CCDC40: variants seen among roughly 807,000 people sequenced by gnomAD.
The protein encoded by CCDC40 is coiled-coil domain 40 molecular ruler complex subunit, also known as coiled-coil domain-containing protein 40.
CCDC40 carries 104 observed loss-of-function variants against 124.5 expected under a neutral mutation model. That is an observed-to-expected ratio of 0.84 (90% CI 0.71 to 0.98). The LOEUF (loss-of-function observed/expected upper bound fraction) is 0.98, where lower values mean the gene tolerates loss of function less well. CCDC40 is among the 50% of genes least tolerant of loss of function. The probability of loss-of-function intolerance (pLI) is 0.00; values close to 1 mark genes in which losing one functional copy is unlikely to be tolerated. For missense variants in CCDC40, 1,463 were observed against 1,503.9 expected (o/e 0.97, Z 0.45); for synonymous variants, 580 against 602.9 (o/e 0.96, Z 0.56).
intron 7 of CCDC40, among the ~76,000 whole-genome samples, chr17:80,055,572 A>T (rs2037714803): frequency 1.3e-5 from 2 of 152,352 alleles, no homozygotes; most frequent in Admixed American, 1.3e-4. Context: ...GGGAAGACGC[A>T]TGATATAAAA....
chr17:80,082,814 C>T (rs1285981528), intron 12 of CCDC40, among the ~76,000 whole-genome samples: 2 of 152,240 alleles, frequency 1.3e-5, no homozygotes, highest in South Asian at 2.1e-4. Context: ...ATAGGTCATA[C>T]GTGTTTTGCT....
At chr17:80,060,492 C>CAA (rs201142020) in intron 9 of CCDC40, among the ~76,000 whole-genome samples, 8 of 121,694 alleles carry the variant, frequency 6.6e-5, no homozygotes, top group African/African-American at 2.5e-4. Flanking sequence ...CCCGGGAGGT[C>CAA]AAAAAAAAAA....
chr17:80,041,037 C>G (rs561065849), intron 3 of CCDC40, among the ~76,000 whole-genome samples: 2 of 152,304 alleles, frequency 1.3e-5, no homozygotes, highest in Non-Finnish European at 2.9e-5. Context: ...TAGCTGCGTT[C>G]TTATATTTTT....
intron 10 of CCDC40, among the ~76,000 whole-genome samples, chr17:80,074,743 A>G (rs1337454026): frequency 6.6e-6 from 1 of 152,172 alleles, no homozygotes; most frequent in Non-Finnish European, 1.5e-5. Flanking sequence ...CCATGGGTTG[A>G]GGAGTAATTT....
chr17:80,070,188 G>A (rs578017165), intron 10 of CCDC40, among the ~76,000 whole-genome samples: 1 of 152,336 alleles, frequency 6.6e-6, no homozygotes, highest in South Asian at 2.1e-4. Context: ...TTCTAGCCTG[G>A]GGATCTGGCA....
At chr17:80,048,396 T>C (rs760922538) in intron 4 of CCDC40, 187 bp from the exon 5 acceptor site, 104 of 648,416 alleles carry the variant, frequency 1.6e-4, no homozygotes, top group Non-Finnish European at 2.6e-4. Flanking sequence ...TGGGATGCAT[T>C]GAGTCAGGGA....
At chr17:80,056,009 T>TAC (rs2037734712) in intron 7 of CCDC40, among the ~76,000 whole-genome samples, 1 of 46,422 alleles carries the variant, frequency 2.2e-5, no homozygotes, top group Non-Finnish European at 4.1e-5. Context: ...TATATATATA[T>TAC]ATATATATTT....
chr17:80,059,242 C>T (rs1313554015), intron 9 of CCDC40, among the ~76,000 whole-genome samples: 5 of 152,290 alleles, frequency 3.3e-5, no homozygotes, highest in East Asian at 1.9e-4. Context: ...GCTTCATGAC[C>T]GCCAAGGCCA....
chr17:80,067,949 CACA>C (rs2038090987), intron 10 of CCDC40: 2 of 1,153,234 alleles, frequency 1.7e-6, no homozygotes, highest in South Asian at 3.1e-5. Flanking sequence ...ACAAACACTT[CACA>C]ACGAGTGAGA....
At chr17:80,051,309 A>C in intron 7 of CCDC40, 6 of 983,620 alleles carry the variant, frequency 6.1e-6, no homozygotes, top group Non-Finnish European at 7.2e-6. Context: ...TGGAAATTTC[A>C]GAGTTAGGGT....
At chr17:80,050,956 C>T (rs2037570807) in intron 7 of CCDC40, among the ~76,000 whole-genome samples, 1 of 152,092 alleles carries the variant, frequency 6.6e-6, no homozygotes. Context: ...AGACCATGGC[C>T]CAGGGCCTGA....
At chr17:80,047,204 T>C in intron 3 of CCDC40, 75 bp from the exon 4 acceptor site, 1 of 1,493,958 alleles carries the variant, frequency 6.7e-7, no homozygotes, top group Non-Finnish European at 9.3e-7. Flanking sequence ...TTCACAAATG[T>C]AATGAGTTAA....
Position 80,082,074 on chromosome 17 carries a change from A to G in CCDC40, c.1989+16A>G, listed in dbSNP as rs536407654. ...GACCAACATGGTAGGCCCCTGCCCC[A>G]GGGAGGGGCTGTGCGAAGCCCCCTG... On this transcript the variant is annotated intron_variant, in intron 12 of 19. Transcript: ENST00000397545. 32 of 1,609,586 alleles carry G rather than the reference A, an allele frequency of 2.0e-5. No homozygotes were observed. Among genetic ancestry groups the G allele is most frequent in the African/African-American group, 2.7e-5 (2 of 74,458 alleles).
At chr17:80,061,839 C>G (rs1216394013) in intron 9 of CCDC40, among the ~76,000 whole-genome samples, 1 of 152,336 alleles carries the variant, frequency 6.6e-6, no homozygotes, top group Admixed American at 6.5e-5. Flanking sequence ...GCGATATGAT[C>G]ATATGCAGCC....
intron 9 of CCDC40, among the ~76,000 whole-genome samples, chr17:80,064,359 G>A (rs539891222): frequency 2.6e-5 from 4 of 152,168 alleles, no homozygotes; most frequent in East Asian, 3.9e-4. Flanking sequence ...TGGCTGACTC[G>A]GGCCGCCAGC....
At chr17:80,062,112 A>G (rs781296686) in intron 9 of CCDC40, among the ~76,000 whole-genome samples, 5 of 150,876 alleles carry the variant, frequency 3.3e-5, no homozygotes, top group Non-Finnish European at 7.4e-5. Flanking sequence ...CCCCGTCTCT[A>G]AAGAAATAAA....
chr17:80,090,088 G>A (rs1016767158), intron 17 of CCDC40: 27 of 1,536,434 alleles, frequency 1.8e-5, no homozygotes, highest in Middle Eastern at 1.8e-4. Context: ...CTGGCAAAGC[G>A]CACGTCCCCC....
chr17:80,087,555 A>G lies in CCDC40; in HGVS notation c.2450-52A>G. On this transcript the variant is annotated intron_variant, in intron 14 of 19. Transcript: ENST00000397545. This position sits in a 1 kb window ranked among gnomAD's most constrained non-coding sequence, Gnocchi z 4.5. ...TCTCGGACACTGCTGCCTGCGGGCGAGGACCCGTACCCTCCTGGGGTCTCT... is the reference window on the plus strand; with the variant it reads ...TCTCGGACACTGCTGCCTGCGGGCGGGGACCCGTACCCTCCTGGGGTCTCT... 3 of 1,531,322 alleles carry G rather than the reference A, an allele frequency of 2.0e-6. No individual in the cohort carries two copies. Among genetic ancestry groups the G allele is most frequent in the Non-Finnish European group, 2.7e-6 (3 of 1,106,570 alleles). 94.9% of individuals were successfully genotyped at this position (1,531,322 alleles called of 1,614,324 possible).
At chr17:80,091,014 C>T (rs2038712386) in intron 17 of CCDC40, among the ~76,000 whole-genome samples, 1 of 152,228 alleles carries the variant, frequency 6.6e-6, no homozygotes, top group Non-Finnish European at 1.5e-5. Context: ...GTCCCTTCTT[C>T]CCCGGCTCCC....
Sources: gnomAD v4.1 joint callset for allele counts (sites outside exome capture counted in the v4.1 genomes callset) on GRCh38, gnomAD v4.1.1 for gene constraint, Gnocchi (gnomAD v3.1) non-coding constraint, MANE v1.5 for transcripts, NCBI Gene and HGNC (gene_info 2026-07-23, HGNC 2026-07-21) for gene names.